Variants in GBA2 observed in about 807,000 individuals in gnomAD.
GBA2 encodes the protein non-lysosomal glucosylceramidase.
GBA2 carries 79 observed loss-of-function variants against 112.9 expected under a neutral mutation model. The ratio of observed to expected loss-of-function variants is 0.70; its 90% CI spans 0.58 to 0.84. The LOEUF (loss-of-function observed/expected upper bound fraction) is 0.84. Among genes scored for constraint, GBA2 ranks in the 40% least tolerant of loss-of-function variants. The pLI is 0.00. For synonymous variants in GBA2, 403 were observed against 434.3 expected (o/e 0.93, Z 0.90); for missense variants, 1,043 against 1,190.0 (o/e 0.88, Z 1.82).
Position 35,738,444 on chromosome 9 carries a change from T to C in GBA2, c.2055-70A>G, listed in dbSNP as rs761919429. The C allele has an allele frequency of 3.2e-5, 51 of 1,592,908 alleles. No individual in the cohort carries two copies. In the South Asian group the frequency reaches 4.3e-4, roughly 13 times the overall value. On this transcript the variant is annotated intron_variant, in intron 13 of 16. Transcript: ENST00000378103. The stretch of plus-strand genomic sequence containing the variant: ...TGCTCCCATGCCGTGTAATAGACAA[T>C]GAGTCATTCTTTCTTGAGCCCTACA...
chr9:35,741,856 A>G lies in GBA2; in HGVS notation c.602T>C (p.Val201Ala). ...TVCLRREGQT[V>A]YQQVLSLERP... ...CTCCAGGGACAGGACTTGCTGGTAC[A>G]CAGTCTGCCCTTCCCGACGCAGGCA... Residue 201 changes from valine to alanine, a missense_variant, in exon 4 of 17, where the codon GTG (valine) becomes GCG (alanine). Val to Ala is a moderately conservative substitution (Grantham distance 64). Coordinates refer to ENST00000378103, the MANE Select transcript of GBA2 (RefSeq NM_020944.3). The surrounding 1 kb of genome is among the most constrained non-coding windows in gnomAD (Gnocchi z 4.6). 5.0e-6 allele frequency: 8 copies of G among 1,614,034 alleles called. No homozygotes were observed. Among genetic ancestry groups the G allele is most frequent in the South Asian group, 1.1e-5 (1 of 91,080 alleles).
At chr9:35,738,668 C>T (rs769179150) in intron 12 of GBA2, 36 bp from the exon 13 acceptor site, 19 of 1,601,082 alleles carry the variant, frequency 1.2e-5, no homozygotes, top group Non-Finnish European at 1.6e-5. Flanking sequence ...ACCTAGGTAC[C>T]GAGGAAAGGC....
In GBA2 at chr9:35,737,493, GA is replaced by G. The variant is rs768208189; in HGVS notation, c.2506-47del. On this transcript the variant is annotated intron_variant, in intron 16 of 16. Transcript: ENST00000378103. This position sits in a 1 kb window ranked among gnomAD's most constrained non-coding sequence, Gnocchi z 4.1. ...CATACATACTAACTTGGCACCCTCT[GA>G]AGAGCCACTTCCACTGGATAGATGG... The G allele has an allele frequency of 8.8e-6, 14 of 1,595,782 alleles. No individual in the cohort carries two copies. Among genetic ancestry groups the G allele is most frequent in the Admixed American group, 1.8e-5 (1 of 56,844 alleles).
Position 35,738,472 on chromosome 9 carries a change from C to T in GBA2, c.2054+54G>A, listed in dbSNP as rs577798789. 3.8e-6 allele frequency: 6 copies of T among 1,584,348 alleles called. No homozygotes were observed. In the African/African-American group the frequency reaches 8.1e-5, roughly 21 times the overall value. On this transcript the variant is annotated intron_variant, in intron 13 of 16. Coordinates refer to ENST00000378103, the MANE Select transcript of GBA2 (RefSeq NM_020944.3). The stretch of plus-strand genomic sequence containing the variant: ...GTCATTCTTTCTTGAGCCCTACAAT[C>T]CCTTGTTGCCCAGTTTCTCACCTCA...
At position 35,740,209 on chromosome 9, in the gene GBA2, C is replaced by A; in HGVS notation, c.1283G>T (p.Arg428Met). 1 of 1,614,098 alleles carries A rather than the reference C, an allele frequency of 6.2e-7. No individual in the cohort carries two copies. The highest frequency in any genetic ancestry group is 8.5e-7 in the Non-Finnish European group (1 of 1,179,980). The change falls in exon 7 of 17, where the codon AGG (arginine) becomes ATG (methionine). Residue 428 changes from arginine to methionine, a missense_variant and splice_region_variant. Transcript: ENST00000378103. The surrounding 1 kb of genome is among the most constrained non-coding windows in gnomAD (Gnocchi z 4.7). Reference protein sequence around the residue: ...MFGAKGQVHYRRYTRFFGQDG... With the variant: ...MFGAKGQVHYMRYTRFFGQDG... ...CCTTACACTTTCTTGGTCCCCTCAC[C>A]TGTAGTGGACTTGGCCTTTAGCTCC...
chr9:35,741,864 C>G lies in GBA2; in HGVS notation c.594G>C (p.Gly198=), dbSNP rs1826709329. 1 of 1,613,754 alleles carries G rather than the reference C, an allele frequency of 6.2e-7. No homozygotes were observed. Among genetic ancestry groups the G allele is most frequent in the Non-Finnish European group, 8.5e-7 (1 of 1,179,712 alleles). Residue 198 remains glycine, a synonymous_variant, in exon 4 of 17, where the codon GGG becomes GGC. Coordinates refer to ENST00000378103, the MANE Select transcript of GBA2 (RefSeq NM_020944.3). This position sits in a 1 kb window ranked among gnomAD's most constrained non-coding sequence, Gnocchi z 4.6. ...ACAGGACTTGCTGGTACACAGTCTGCCCTTCCCGACGCAGGCACACTGTGA... is the reference window on the plus strand; with the variant it reads ...ACAGGACTTGCTGGTACACAGTCTGGCCTTCCCGACGCAGGCACACTGTGA... ...DQFTVCLRRE[G]QTVYQQVLSL... is the part of the protein sequence containing the mutation.
At chr9:35,748,275 C>A (rs1322371027) in intron 1 of GBA2, 71 bp downstream of exon 1, 4 of 946,268 alleles carry the variant, frequency 4.2e-6, no homozygotes, top group Non-Finnish European at 6.5e-6. Context: ...TGCCCTTTCC[C>A]ACCTCTGCTA....
At chr9:35,738,195 C>G in intron 14 of GBA2, 37 bp downstream of exon 14, 1 of 1,613,838 alleles carries the variant, frequency 6.2e-7, no homozygotes, top group Non-Finnish European at 8.5e-7. Context: ...GGTGTCCTCT[C>G]AGCTGCCTTA....
intron 1 of GBA2, among the ~76,000 whole-genome samples, chr9:35,747,536 C>T (rs1304378611): frequency 1.3e-5 from 2 of 152,212 alleles, no homozygotes; most frequent in Non-Finnish European, 2.9e-5. Flanking sequence ...GGGTCTCCTA[C>T]TCTAGAAACT....
Position 35,737,738 on chromosome 9 carries a change from A to C in GBA2, c.2505+10T>G. On this transcript the variant is annotated intron_variant, in intron 16 of 16. Coordinates refer to ENST00000378103, the MANE Select transcript of GBA2 (RefSeq NM_020944.3). This position sits in a 1 kb window ranked among gnomAD's most constrained non-coding sequence, Gnocchi z 4.1. ...CAGATGGTGGAGAGATGGGAAAAGG[A>C]GTGCATTACCTCTTGGATCATGGTA... is the stretch of plus-strand genomic sequence containing the variant. The C allele has an allele frequency of 6.2e-7, 1 of 1,613,248 alleles. No homozygotes were observed. Among genetic ancestry groups the C allele is most frequent in the South Asian group, 1.1e-5 (1 of 91,066 alleles).
rs1209879263 is a variant in GBA2 at position 35,738,792 on chromosome 9, C to A, written c.1907G>T (p.Gly636Val). 1 of 1,614,188 alleles carries A rather than the reference C, an allele frequency of 6.2e-7. No homozygotes were observed. ...LQVYRDYYLT[G>V]DQNFLKDMWP... Reference sequence around the variant, plus strand: ...CATGTCCTTCAGGAAGTTTTGATCACCCGTGAGGTAATAGTCCCGATAAAC... The same window carrying A: ...CATGTCCTTCAGGAAGTTTTGATCAACCGTGAGGTAATAGTCCCGATAAAC... The change falls in exon 12 of 17, where the codon GGT (glycine) becomes GTT (valine). Residue 636 changes from glycine (G) to valine (V), a missense_variant. Coordinates refer to ENST00000378103, the MANE Select transcript of GBA2 (RefSeq NM_020944.3).
intron 11 of GBA2, 47 bp from the exon 12 acceptor site, chr9:35,738,950 T>C: frequency 6.2e-7 from 1 of 1,609,860 alleles, no homozygotes; most frequent in Non-Finnish European, 8.5e-7. Flanking sequence ...GTGGATAGGG[T>C]AGAGGGTGCA....
rs188152192 is a variant in GBA2, at chr9:35,738,886, G to A, written c.1813C>T (p.Arg605Cys). 2.0e-5 allele frequency: 32 copies of A among 1,614,028 alleles called. No individual in the cohort carries two copies. In the Admixed American group the frequency reaches 2.2e-4, roughly 11 times the overall value. The change falls in exon 12 of 17, where the codon CGC becomes TGC. Residue 605 changes from arginine (R) to cysteine (C), a missense_variant. Arg to Cys is a radical substitution (Grantham distance 180). Coordinates refer to ENST00000378103, the MANE Select transcript of GBA2 (RefSeq NM_020944.3). ...IGDPDDEPWL[R>C]VNAYLIHDTA... ...TCATGGATTAAATATGCATTGACGC[G>A]GAGCCATGGTTCATCATCTGTGGGA...
Position 35,741,640 on chromosome 9 carries a change from G to T in GBA2, c.786+32C>A. On this transcript the variant is annotated intron_variant, in intron 4 of 16. Transcript: ENST00000378103. This position sits in a 1 kb window ranked among gnomAD's most constrained non-coding sequence, Gnocchi z 4.6. ...CAGAGGCAGGTCCTGGGGAAGGGAGGGCAATGGAAGATACAGATGTGGGGG... is the reference window on the plus strand; with the variant it reads ...CAGAGGCAGGTCCTGGGGAAGGGAGTGCAATGGAAGATACAGATGTGGGGG... 1 of 1,364,658 alleles carries T rather than the reference G, an allele frequency of 7.3e-7. No homozygotes were observed. The highest frequency in any genetic ancestry group is 1.2e-5 in the South Asian group (1 of 86,056). 84.5% of individuals were successfully genotyped at this position (1,364,658 alleles called of 1,614,324 possible).
chr9:35,738,592 T>C lies in GBA2; in HGVS notation c.1988A>G (p.Asp663Gly), dbSNP rs542233713. ...ESEMKFDKDH[D>G]GLIENGGYAD... ...ATAGCCTCCATTTTCAATGAGTCCA[T>C]CATGGTCCTTGTCAAACTTCATTTC... The change falls in exon 13 of 17, where the codon GAT (aspartate) becomes GGT (glycine). Residue 663 changes from aspartate (D) to glycine (G), a missense_variant. By Grantham distance (94) the Asp-to-Gly change is moderately conservative. Transcript: ENST00000378103. 1.9e-6 allele frequency: 3 copies of C among 1,614,018 alleles called. No homozygotes were observed. Among genetic ancestry groups the C allele is most frequent in the African/African-American group, 2.7e-5 (2 of 75,044 alleles).
In GBA2 at chr9:35,739,061, CTCA is replaced by C; in HGVS notation, c.1733_1735del (p.Met578del). The C allele has an allele frequency of 6.2e-7, 1 of 1,613,760 alleles. No homozygotes were observed. The highest frequency in any genetic ancestry group is 1.7e-4 in the Middle Eastern group (1 of 6,058). On this transcript the variant is annotated inframe_deletion, in exon 11 of 17. Transcript: ENST00000378103. ...CCTTTTCACAGGTGCCATCACCCCA[CTCA>C]TCAGGTACCGTCGCCGTGTCAGGTC... is the stretch of plus-strand genomic sequence containing the variant.
intron 3 of GBA2, among the ~76,000 whole-genome samples, chr9:35,743,998 C>T (rs1180000951): frequency 6.6e-6 from 1 of 152,094 alleles, no homozygotes; most frequent in Non-Finnish European, 1.5e-5. Context: ...TGGGAATTCT[C>T]TGCATTCTCT....
Position 35,737,080 on chromosome 9 carries a change from C to T in GBA2, c.*89G>A. 1.3e-6 allele frequency: 2 copies of T among 1,529,912 alleles called. No homozygotes were observed. Among genetic ancestry groups the T allele is most frequent in the Non-Finnish European group, 1.7e-6 (2 of 1,144,798 alleles). The allele number at this position is 1,529,912 out of a possible 1,614,324, so 94.8% of individuals were successfully genotyped here. ...GGAAGGGGTATGATTGTCCTGATGG[C>T]TCAGGGTTGCAGGAGGTTCAGAGGG... On this transcript the variant is annotated 3_prime_UTR_variant, in exon 17 of 17. Coordinates refer to ENST00000378103, the MANE Select transcript of GBA2 (RefSeq NM_020944.3). The surrounding 1 kb of genome is among the most constrained non-coding windows in gnomAD (Gnocchi z 4.1).
Position 35,737,343 on chromosome 9 carries a change from T to C in GBA2, c.2610A>G (p.Arg870=), listed in dbSNP as rs775542106. The C allele has an allele frequency of 5.0e-6, 8 of 1,614,012 alleles. No homozygotes were observed. The Admixed American group carries it at 1.2e-4, about 24-fold the overall frequency. Residue 870 remains arginine, a synonymous_variant, in exon 17 of 17, where the codon CGA becomes CGG. Transcript: ENST00000378103. This position sits in a 1 kb window ranked among gnomAD's most constrained non-coding sequence, Gnocchi z 4.1. ...FQTPEAYCQQ[R]VFRSLAYMRP... The stretch of plus-strand genomic sequence containing the variant: ...GCATGTAGGCCAGTGAGCGGAACAC[T>C]CGCTGCTGGCAGTATGCCTCTGGGG...
Sources: gnomAD v4.1 joint callset for allele counts (sites outside exome capture counted in the v4.1 genomes callset) on GRCh38, gnomAD v4.1.1 for gene constraint, Gnocchi (gnomAD v3.1) non-coding constraint, MANE v1.5 for transcripts, NCBI Gene and HGNC (gene_info 2026-07-23, HGNC 2026-07-21) for gene names.